Variants in ARHGAP22 observed in about 807,000 individuals in gnomAD.
ARHGAP22 encodes the protein Rho GTPase activating protein 22, also known as rho GTPase-activating protein 22.
In ARHGAP22, 48 loss-of-function variants were observed where a neutral mutation model predicts 59.1. The ratio of observed to expected loss-of-function variants is 0.81; its 90% confidence interval spans 0.64 to 1.03. The LOEUF (loss-of-function observed/expected upper bound fraction) is 1.03. ARHGAP22 is among the 50% of genes least tolerant of loss of function. ARHGAP22 has a pLI of 0.00. For synonymous variants in ARHGAP22, 445 were observed against 416.4 expected (o/e 1.07, Z -0.84); for missense variants, 1,015 against 958.7 (o/e 1.06, Z -0.78).
intron 1 of ARHGAP22, among the ~76,000 whole-genome samples, chr10:48,638,738 C>T (rs894135422): frequency 2.0e-5 from 3 of 152,180 alleles, no homozygotes; most frequent in Non-Finnish European, 4.4e-5. Flanking sequence ...AGAGCTCTAT[C>T]TTTAAACTTC....
At chr10:48,586,463 G>A (rs1384419994) in intron 1 of ARHGAP22, among the ~76,000 whole-genome samples, 2 of 152,218 alleles carry the variant, frequency 1.3e-5, no homozygotes, top group Non-Finnish European at 2.9e-5. Context: ...AGATGGCGCA[G>A]TGGATGTCTC....
At chr10:48,638,884 C>T (rs2061931721) in intron 1 of ARHGAP22, among the ~76,000 whole-genome samples, 1 of 152,124 alleles carries the variant, frequency 6.6e-6, no homozygotes, top group Non-Finnish European at 1.5e-5. Context: ...GCAGGACTTC[C>T]AGCTATGGCT....
At chr10:48,574,124 T>C (rs1479441568) in intron 2 of ARHGAP22, among the ~76,000 whole-genome samples, 2 of 152,248 alleles carry the variant, frequency 1.3e-5, no homozygotes, top group Non-Finnish European at 2.9e-5. Flanking sequence ...GTCAATAAGC[T>C]CTTTGCCAAT....
intron 9 of ARHGAP22, among the ~76,000 whole-genome samples, chr10:48,447,341 T>C (rs1475530125): frequency 2.0e-5 from 3 of 152,198 alleles, no homozygotes; most frequent in Non-Finnish European, 4.4e-5. Context: ...ATATGCTGGA[T>C]TTTAATGCCC....
At chr10:48,525,608 A>G (rs1450514516) in intron 3 of ARHGAP22, among the ~76,000 whole-genome samples, 1 of 152,224 alleles carries the variant, frequency 6.6e-6, no homozygotes, top group Non-Finnish European at 1.5e-5. Context: ...TATCAAGTAC[A>G]CTGGAATTTT....
chr10:48,632,424 A>T (rs565376910), intron 1 of ARHGAP22, among the ~76,000 whole-genome samples: 1 of 151,974 alleles, frequency 6.6e-6, no homozygotes, highest in South Asian at 2.1e-4. Context: ...TTTTTTCAAC[A>T]GTTGAAATAT....
rs2060894619 is a variant in ARHGAP22 at position 48,611,792 on chromosome 10, CCTTCCCTTCCCTTCT to C, written c.53-28655_53-28641del. ...CCTGTAACTTCCTCCTGCTCCTTTC[CCTTCCCTTCCCTTCT>C]CTTCCCTTCCCTTCCCTTCCCTTCC... On this transcript the variant is annotated intron_variant, in intron 1 of 9. Coordinates refer to the ARHGAP22 transcript ENST00000435790. Among the ~76,000 whole-genome samples, 29 of 140,450 alleles carry C rather than the reference CCTTCCCTTCCCTTCT, an allele frequency of 2.1e-4. 1 individual carries two copies. The highest frequency in any genetic ancestry group is 5.9e-4 in the African/African-American group (21 of 35,452). 92.1% of individuals were successfully genotyped at this position (140,450 alleles called of 152,430 possible).
chr10:48,632,421 A>T (rs546681523), intron 1 of ARHGAP22, among the ~76,000 whole-genome samples: 5 of 151,996 alleles, frequency 3.3e-5, no homozygotes, highest in African/African-American at 1.2e-4. Context: ...TTTTTTTTTC[A>T]ACAGTTGAAA....
Position 48,450,678 on chromosome 10 carries a change from C to A in ARHGAP22, c.1451G>T (p.Gly484Val). Residue 484 changes from glycine to valine, a missense_variant, in exon 9 of 10, where the codon GGC (glycine) becomes GTC (valine). Gly to Val is a moderately radical substitution (Grantham distance 109). Coordinates refer to ENST00000249601, the MANE Select transcript of ARHGAP22 (RefSeq NM_021226.4). Reference sequence around the variant, plus strand: ...GTAGGTGGAGAGTCTCTGCACGGAGCCCGAGTCCTTGAGCCGGTCTCCCGA... The same window carrying A: ...GTAGGTGGAGAGTCTCTGCACGGAGACCGAGTCCTTGAGCCGGTCTCCCGA... Reference protein sequence around the residue: ...ASSGDRLKDSGSVQRLSTYDN... With the variant: ...ASSGDRLKDSVSVQRLSTYDN... The A allele has an allele frequency of 6.4e-7, 1 of 1,550,804 alleles. No homozygotes were observed. The highest frequency in any genetic ancestry group is 8.7e-7 in the Non-Finnish European group (1 of 1,147,288).
intron 3 of ARHGAP22, among the ~76,000 whole-genome samples, chr10:48,515,315 A>C (rs967444575): frequency 6.6e-6 from 1 of 152,232 alleles, no homozygotes; most frequent in African/African-American, 2.4e-5. Context: ...ATTGACTTTA[A>C]AACAAAAATG....
chr10:48,464,146 T>A (rs1305156456), intron 4 of ARHGAP22, among the ~76,000 whole-genome samples: 2 of 152,140 alleles, frequency 1.3e-5, no homozygotes, highest in Non-Finnish European at 2.9e-5. Context: ...CTGAAGGCTG[T>A]AAACATATAA....
At position 48,547,185 on chromosome 10, in the gene ARHGAP22, T is replaced by C. The variant is rs558500115; in HGVS notation, c.322+8278A>G. Among the ~76,000 whole-genome samples the C allele has an allele frequency of 1.1e-4, 16 of 152,290 alleles. 2 individuals are homozygous for C. In the South Asian group the frequency reaches 3.3e-3, roughly 32 times the overall value. The stretch of plus-strand genomic sequence containing the variant: ...CCTCCCCAGCTCTTCCTCGGAAGCT[T>C]CCTTTCTACATGCAGACACCAGCTT... On this transcript the variant is annotated intron_variant, in intron 3 of 9. Coordinates refer to ENST00000249601, the MANE Select transcript of ARHGAP22 (RefSeq NM_021226.4).
In ARHGAP22 at chr10:48,484,517, C is replaced by T. The variant is rs192978027; in HGVS notation, c.323-4753G>A. On this transcript the variant is annotated intron_variant, in intron 3 of 9. Coordinates refer to ENST00000249601, the MANE Select transcript of ARHGAP22 (RefSeq NM_021226.4). ...CACAGAATAAGCTATTAAATATTCC[C>T]TTGTTTTCAAACCTAGAAGTTTGTA... Among the ~76,000 whole-genome samples the T allele has an allele frequency of 1.4e-3, 214 of 152,304 alleles. 1 individual carries two copies. Among genetic ancestry groups the T allele is most frequent in the African/African-American group, 5.0e-3 (208 of 41,562 alleles).
At chr10:48,459,210 C>T (rs1431664181) in intron 5 of ARHGAP22, among the ~76,000 whole-genome samples, 2 of 151,812 alleles carry the variant, frequency 1.3e-5, no homozygotes, top group Non-Finnish European at 2.9e-5. Context: ...TGGCCCCGGC[C>T]CCAGAGCAGA....
chr10:48,433,053 A>T, the ARHGAP22 span, among the ~76,000 whole-genome samples: 1 of 152,140 alleles, frequency 6.6e-6, no homozygotes, highest in Admixed American at 6.6e-5. Flanking sequence ...TGGTTTGGCT[A>T]ATAGTAAAGT....
At chr10:48,582,702 G>T in intron 2 of ARHGAP22, 2 of 549,028 alleles carry the variant, frequency 3.6e-6, no homozygotes, top group Non-Finnish European at 6.4e-6. Context: ...TCTTAAGTTG[G>T]ACAAGGACAT....
At chr10:48,595,232 G>T (rs914061924) in intron 1 of ARHGAP22, among the ~76,000 whole-genome samples, 2 of 152,184 alleles carry the variant, frequency 1.3e-5, no homozygotes, top group Admixed American at 1.3e-4. Context: ...TTTAAAGCCG[G>T]GCTGGGAAAA....
intron 1 of ARHGAP22, among the ~76,000 whole-genome samples, chr10:48,649,741 T>C (rs1186137445): frequency 6.6e-6 from 1 of 152,120 alleles, no homozygotes; most frequent in Non-Finnish European, 1.5e-5. Context: ...TGCTGCCCAC[T>C]GCTGGGTGAG....
chr10:48,443,915 CATTT>C (rs542486321), downstream of ARHGAP22: 8 of 152,294 alleles, frequency 5.3e-5, no homozygotes, highest in African/African-American at 7.2e-5. Context: ...CATGTGCATT[CATTT>C]GTTATTCTTT....
Sources: allele counts gnomAD v4.1 joint callset (sites outside exome capture counted in the v4.1 genomes callset), GRCh38; gene constraint gnomAD v4.1.1; transcripts MANE v1.5; gene names NCBI Gene and HGNC (gene_info 2026-07-23, HGNC 2026-07-21).